Variants in CACNB1 observed in about 807,000 individuals in gnomAD.
The protein encoded by CACNB1 is voltage-dependent L-type calcium channel subunit beta-1.
Under a neutral mutation model 71.6 loss-of-function variants are expected in CACNB1, and 29 were observed. The observed-to-expected ratio is 0.40, with a 90% confidence interval of 0.30 to 0.55. The LOEUF (loss-of-function observed/expected upper bound fraction) is 0.55, where lower values mean the gene tolerates loss of function less well. Among genes scored for constraint, CACNB1 ranks in the 20% least tolerant of loss-of-function variants. The pLI, the probability that CACNB1 is intolerant of heterozygous loss-of-function variation, is 0.38. For synonymous variants in CACNB1, 300 were observed against 319.6 expected, an observed-to-expected ratio of 0.94 and a Z score of 0.65; for missense variants, 623 against 801.8, an observed-to-expected ratio of 0.78 and a Z score of 2.69.
Position 39,186,110 on chromosome 17 carries a change from C to A in CACNB1, c.628+386G>T, listed in dbSNP as rs374784657. ...TAAGTTAGTCATTTCATTACCTGGA[C>A]CGGAGAGTCAGGAGAGAGGGAGGAG... is the stretch of plus-strand genomic sequence containing the variant. On this transcript the variant is annotated intron_variant, in intron 6 of 13. Transcript: ENST00000394303. This position sits in a 1 kb window ranked among gnomAD's most constrained non-coding sequence, Gnocchi z 4.1. 6.2e-7 allele frequency: 1 copy of A among 1,612,898 alleles called. No homozygotes were observed. Among genetic ancestry groups the A allele is most frequent in the Non-Finnish European group, 8.5e-7 (1 of 1,179,354 alleles).
At chr17:39,183,623 C>G (rs1340166316) in intron 11 of CACNB1, 90 bp downstream of exon 11, 2 of 1,038,460 alleles carry the variant, frequency 1.9e-6, no homozygotes, top group South Asian at 1.7e-5. Flanking sequence ...GATTAATTCA[C>G]GTAATTAGTA....
rs371125114 is a variant in CACNB1, at chr17:39,191,603, G to C, written c.172-10C>G. 6.2e-7 allele frequency: 1 copy of C among 1,608,096 alleles called. No individual in the cohort carries two copies. The highest frequency in any genetic ancestry group is 1.3e-5 in the African/African-American group (1 of 74,414). ...AGGACTCCGCTGAGCCCTGAAAATA[G>C]AGAGAGCCAGATCAGGGCCATTGCT... On this transcript the variant is annotated splice_polypyrimidine_tract_variant and intron_variant, in intron 2 of 13. Transcript: ENST00000394303.
chr17:39,175,475 G>C lies in CACNB1; in HGVS notation c.1515C>G (p.Pro505=). 6.2e-7 allele frequency: 1 copy of C among 1,614,104 alleles called. No homozygotes were observed. Among genetic ancestry groups the C allele is most frequent in the Non-Finnish European group, 8.5e-7 (1 of 1,180,030 alleles). ...SRQDTFDADT[P]GSRNSAYTEL... ...CCGTGTAGGCAGAGTTTCGGCTGCC[G>C]GGGGTGTCGGCATCAAAAGTGTCTT... The change falls in exon 14 of 14, where the codon CCC becomes CCG. Residue 505 remains proline (P), a synonymous_variant. Transcript: ENST00000394303. This position sits in a 1 kb window ranked among gnomAD's most constrained non-coding sequence, Gnocchi z 4.7.
In CACNB1 at chr17:39,177,834, C is replaced by T. The variant is rs879777889; in HGVS notation, c.1146+150G>A. ...GGGCTTGAACCCAGTCTTTGACTGACGGGACCTGCGCTCTTCCCAGAAGAC... is the reference window on the plus strand; with the variant it reads ...GGGCTTGAACCCAGTCTTTGACTGATGGGACCTGCGCTCTTCCCAGAAGAC... On this transcript the variant is annotated intron_variant, in intron 12 of 13. Transcript: ENST00000394303. 249 of 678,522 alleles carry T rather than the reference C, an allele frequency of 3.7e-4. 1 individual carries two copies. Among genetic ancestry groups the T allele is most frequent in the Non-Finnish European group, 5.5e-4 (212 of 383,466 alleles). 42.0% of individuals were successfully genotyped at this position (678,522 alleles called of 1,614,324 possible).
Position 39,185,097 on chromosome 17 carries a change from T to G in CACNB1, c.648+34A>C, listed in dbSNP as rs1042300216. 4 of 1,601,712 alleles carry G rather than the reference T, an allele frequency of 2.5e-6. No individual in the cohort carries two copies. The African/African-American group carries it at 4.1e-5, about 16-fold the overall frequency. On this transcript the variant is annotated intron_variant, in intron 7 of 13. Coordinates refer to ENST00000394303, the MANE Select transcript of CACNB1 (RefSeq NM_000723.5). The stretch of plus-strand genomic sequence containing the variant: ...GGTCCCCCTAGCTCATCCCAGGGAG[T>G]GGGGAGGAGGACACAGAAAGCTGTG...
In CACNB1 at chr17:39,186,618, G is replaced by A. The variant is rs191043823; in HGVS notation, c.552-46C>T. The A allele has an allele frequency of 1.5e-4, 230 of 1,559,684 alleles. No individual in the cohort carries two copies. Among genetic ancestry groups the A allele is most frequent in the Non-Finnish European group, 1.6e-4 (187 of 1,133,686 alleles). On this transcript the variant is annotated intron_variant, in intron 5 of 13. Coordinates refer to ENST00000394303, the MANE Select transcript of CACNB1 (RefSeq NM_000723.5). This position sits in a 1 kb window ranked among gnomAD's most constrained non-coding sequence, Gnocchi z 4.1. ...CGAGCTTGTGAGCAAAGAGGTGGGC[G>A]TGGGGGGCTCTCATCCTCTCACATG...
intron 6 of CACNB1, chr17:39,185,942 A>G: frequency 6.2e-7 from 1 of 1,610,630 alleles, no homozygotes; most frequent in Non-Finnish European, 8.5e-7. Flanking sequence ...GAACACAGCG[A>G]GAATTACCTT....
rs2045936505 is a variant in CACNB1, at chr17:39,186,238, A to C, written c.628+258T>G. The C allele has an allele frequency of 1.4e-6, 1 of 731,656 alleles. No homozygotes were observed. Among genetic ancestry groups the C allele is most frequent in the East Asian group, 2.6e-5 (1 of 38,218 alleles). The allele number at this position is 731,656 out of a possible 1,614,324, so 45.3% of individuals were successfully genotyped here. On this transcript the variant is annotated intron_variant, in intron 6 of 13. Transcript: ENST00000394303. This position sits in a 1 kb window ranked among gnomAD's most constrained non-coding sequence, Gnocchi z 4.1. ...AGAAAGAAGAAGAGGTGAATGGAAC[A>C]GGGCTGGGAGAAATGAATGGGGGCA...
chr17:39,197,172 G>C (rs1446444125), intron 1 of CACNB1, among the ~76,000 whole-genome samples: 2 of 152,152 alleles, frequency 1.3e-5, no homozygotes, highest in Non-Finnish European at 2.9e-5. Flanking sequence ...TGACGCGGGG[G>C]AGATAAGGAG....
chr17:39,196,228 A>C (rs1040144232), intron 1 of CACNB1, among the ~76,000 whole-genome samples: 1 of 151,964 alleles, frequency 6.6e-6, no homozygotes, highest in African/African-American at 2.4e-5. Flanking sequence ...CCTTTCCAAG[A>C]TCCTCCCCTC....
chr17:39,175,627 G>A lies in CACNB1; in HGVS notation c.1363C>T (p.Leu455=). Reference sequence around the variant, plus strand: ...GCGTGCTCCCCGGTGGCCCGTTCCAGTGGCTGGTCCCCGGAAGCAAGGTAG... The same window carrying A: ...GCGTGCTCCCCGGTGGCCCGTTCCAATGGCTGGTCCCCGGAAGCAAGGTAG... The part of the protein sequence containing the change: ...GPYLASGDQP[L]ERATGEHASM... The change falls in exon 14 of 14, where the codon CTG becomes TTG. Residue 455 remains leucine (L), a synonymous_variant. Coordinates refer to ENST00000394303, the MANE Select transcript of CACNB1 (RefSeq NM_000723.5). This position sits in a 1 kb window ranked among gnomAD's most constrained non-coding sequence, Gnocchi z 4.7. 1 of 1,579,380 alleles carries A rather than the reference G, an allele frequency of 6.3e-7. No homozygotes were observed. The highest frequency in any genetic ancestry group is 8.6e-7 in the Non-Finnish European group (1 of 1,160,904).
chr17:39,192,580 G>C (rs924459049), intron 2 of CACNB1: 1 of 152,800 alleles, frequency 6.5e-6, no homozygotes, highest in South Asian at 2.1e-4. Flanking sequence ...GGACATGTGA[G>C]GGCAGGAGGC....
At position 39,187,012 on chromosome 17, in the gene CACNB1, C is replaced by A. The variant is rs545449569; in HGVS notation, c.415-83G>T. On this transcript the variant is annotated intron_variant, in intron 4 of 13. Coordinates refer to ENST00000394303, the MANE Select transcript of CACNB1 (RefSeq NM_000723.5). ...TAGCAGTCACTCTCTAGGGGAAACG[C>A]CCAGACTCACCTCCCAGCCCAGGGG... 5.5e-6 allele frequency: 8 copies of A among 1,457,936 alleles called. No individual in the cohort carries two copies. The East Asian group carries it at 1.8e-4, about 34-fold the overall frequency. The allele number at this position is 1,457,936 out of a possible 1,614,324, so 90.3% of individuals were successfully genotyped here. A position where few individuals can be genotyped will look rare whatever the true frequency, so the allele number is the denominator to read the frequency against.
chr17:39,175,444 C>T lies in CACNB1; in HGVS notation c.1546G>A (p.Gly516Arg). Residue 516 changes from glycine (G) to arginine (R), a missense_variant, in exon 14 of 14, where the codon GGA becomes AGA. By Grantham distance (125) the Gly-to-Arg change is moderately radical. Coordinates refer to ENST00000394303, the MANE Select transcript of CACNB1 (RefSeq NM_000723.5). The surrounding 1 kb of genome is among the most constrained non-coding windows in gnomAD (Gnocchi z 4.7). Reference sequence around the variant, plus strand: ...GTCTCCATGTCCACACATGAGTCTCCCAGCTCCGTGTAGGCAGAGTTTCGG... The same window carrying T: ...GTCTCCATGTCCACACATGAGTCTCTCAGCTCCGTGTAGGCAGAGTTTCGG... ...GSRNSAYTEL[G>R]DSCVDMETDP... 6.2e-7 allele frequency: 1 copy of T among 1,614,222 alleles called. No homozygotes were observed. The highest frequency in any genetic ancestry group is 2.2e-5 in the East Asian group (1 of 44,884).
At chr17:39,183,626 A>C (rs993047826) in intron 11 of CACNB1, 87 bp downstream of exon 11, 1 of 1,067,468 alleles carries the variant, frequency 9.4e-7, no homozygotes, top group South Asian at 1.7e-5. Context: ...TAATTCACGT[A>C]ATTAGTAAGC....
chr17:39,183,931 A>T, intron 10 of CACNB1, 67 bp from the exon 11 acceptor site: 1 of 1,573,470 alleles, frequency 6.4e-7, no homozygotes, highest in Non-Finnish European at 8.7e-7. Flanking sequence ...AGGTGGAGGG[A>T]ACACTTCTGG....
chr17:39,178,370 C>A, intron 11 of CACNB1: 1 of 240,578 alleles, frequency 4.2e-6, no homozygotes, highest in Admixed American at 5.1e-5. Context: ...GGCCCGCCCA[C>A]TCTCCTTTTT....
At chr17:39,180,950 C>G (rs1382436633) in intron 11 of CACNB1, among the ~76,000 whole-genome samples, 1 of 151,986 alleles carries the variant, frequency 6.6e-6, no homozygotes, top group Admixed American at 6.6e-5. Flanking sequence ...GTTAGTGAAT[C>G]CTGGTGAAGA....
intron 11 of CACNB1, among the ~76,000 whole-genome samples, chr17:39,182,083 C>T (rs1198665481): frequency 2.6e-5 from 4 of 151,886 alleles, no homozygotes; most frequent in Non-Finnish European, 5.9e-5. Context: ...ATCACTGGAA[C>T]CCAGGAGGCG....
Sources: allele counts gnomAD v4.1 joint callset (sites outside exome capture counted in the v4.1 genomes callset), GRCh38; gene constraint gnomAD v4.1.1; non-coding constraint Gnocchi (gnomAD v3.1); transcripts MANE v1.5; gene names NCBI Gene and HGNC (gene_info 2026-07-23, HGNC 2026-07-21).